The following LRRC75B variants were observed in gnomAD, a reference collection of about 807,000 sequenced individuals.
The protein encoded by LRRC75B is leucine rich repeat containing 75B, also known as leucine-rich repeat-containing protein 75B.
A neutral mutation model predicts 16.5 loss-of-function variants in LRRC75B; 20 were observed. The observed-to-expected ratio is 1.21, with a 90% CI of 0.85 to 1.76. The LOEUF is 1.76. Ranked by LOEUF, LRRC75B falls within the 40% of genes most tolerant of loss-of-function variation. The pLI is 0.00. For missense variants in LRRC75B, 406 were observed against 417.0 expected (o/e 0.97, Z 0.23); for synonymous variants, 199 against 198.1 (o/e 1.00, Z -0.04).
At position 24,589,321 on chromosome 22, in the gene LRRC75B, G is replaced by C. The variant is rs533721421; in HGVS notation, c.306+500C>G. On this transcript the variant is annotated intron_variant, in intron 2 of 3. Coordinates refer to ENST00000318753, the MANE Select transcript of LRRC75B (RefSeq NM_207644.3). ...CCACCCCAGCAAGGAGGAGGGCCTT[G>C]CTTATGACCCCAGCTGTTGTAGGGG... 80 of 1,179,794 alleles carry C rather than the reference G, an allele frequency of 6.8e-5. No homozygotes were observed. In the African/African-American group the frequency reaches 1.3e-3, roughly 19 times the overall value. 73.1% of individuals were successfully genotyped at this position (1,179,794 alleles called of 1,614,324 possible).
chr22:24,585,825 C>T lies in LRRC75B; in HGVS notation c.*61G>A, dbSNP rs2045376106. 6.9e-7 allele frequency: 1 copy of T among 1,441,844 alleles called. No individual in the cohort carries two copies. Among genetic ancestry groups the T allele is most frequent in the Middle Eastern group, 1.9e-4 (1 of 5,264 alleles). The allele number at this position is 1,441,844 out of a possible 1,614,324, so 89.3% of individuals were successfully genotyped here. On this transcript the variant is annotated 3_prime_UTR_variant, in exon 4 of 4. Coordinates refer to ENST00000318753, the MANE Select transcript of LRRC75B (RefSeq NM_207644.3). ...TGTGAGTCCTCCTTGACCTTCATCGCCCACTATCATGTGCTTGAGAGCATC... is the reference window on the plus strand; with the variant it reads ...TGTGAGTCCTCCTTGACCTTCATCGTCCACTATCATGTGCTTGAGAGCATC...
chr22:24,590,651 C>T (rs1274955738), intron 1 of LRRC75B, among the ~76,000 whole-genome samples: 1 of 152,182 alleles, frequency 6.6e-6, no homozygotes, highest in Non-Finnish European at 1.5e-5. Flanking sequence ...CCTTCAGATC[C>T]TCTGCCTTCC....
Position 24,593,042 on chromosome 22 carries a change from C to G in LRRC75B, c.-3G>C. The G allele has an allele frequency of 9.6e-7, 1 of 1,044,108 alleles. No homozygotes were observed. Among genetic ancestry groups the G allele is most frequent in the Non-Finnish European group, 1.2e-6 (1 of 869,266 alleles). 64.7% of individuals were successfully genotyped at this position (1,044,108 alleles called of 1,614,324 possible). ...CGCCGGCCCAGCCGCGCCCCCATGGCCGCCGCGCGATGGTCGCCGAACCCA... is the reference window on the plus strand; with the variant it reads ...CGCCGGCCCAGCCGCGCCCCCATGGGCGCCGCGCGATGGTCGCCGAACCCA... On this transcript the variant is annotated 5_prime_UTR_variant, in exon 1 of 4. Coordinates refer to ENST00000318753, the MANE Select transcript of LRRC75B (RefSeq NM_207644.3).
At chr22:24,588,899 A>G in intron 2 of LRRC75B, 1 of 1,002,904 alleles carries the variant, frequency 1.0e-6, no homozygotes, top group Non-Finnish European at 1.2e-6. Context: ...GGGCTCCGGC[A>G]GAGGCCCAGC....
intron 2 of LRRC75B, chr22:24,588,552 G>A: frequency 1.3e-6 from 1 of 776,236 alleles, no homozygotes; most frequent in Non-Finnish European, 1.9e-6. Context: ...GGCTGGTCCA[G>A]TCCCGCAGTG....
At chr22:24,590,088 G>T (rs2045523760) in intron 1 of LRRC75B, 139 bp from the exon 2 acceptor site, 3 of 1,024,140 alleles carry the variant, frequency 2.9e-6, no homozygotes, top group South Asian at 3.7e-5. Flanking sequence ...CTCCCCACAG[G>T]CGGCCATGGG....
chr22:24,593,012 C>CG lies in LRRC75B; in HGVS notation c.27dup (p.Gly10ArgfsTer7). 9.2e-7 allele frequency: 1 copy of CG among 1,092,116 alleles called. No individual in the cohort carries two copies. Among genetic ancestry groups the CG allele is most frequent in the Non-Finnish European group, 1.1e-6 (1 of 899,642 alleles). 67.7% of individuals were successfully genotyped at this position (1,092,116 alleles called of 1,614,324 possible). ...CCGGCCTCAGAGCCAGCCTCGGGCC[C>CG]GGCCCGCCGGCCCAGCCGCGCCCCC... On this transcript the variant is annotated frameshift_variant, in exon 1 of 4. Coordinates refer to ENST00000318753, the MANE Select transcript of LRRC75B (RefSeq NM_207644.3). LOFTEE classifies it high-confidence loss of function.
Position 24,585,912 on chromosome 22 carries a change from C to T in LRRC75B, c.922G>A (p.Glu308Lys), listed in dbSNP as rs116161010. ...CACCTGGCACAGCAGGCCTGGGGCT[C>T]GGGTCCCAGCCCAGCAGCTGTGGAG... is the stretch of plus-strand genomic sequence containing the variant. ...WDSTAAGLGP[E>K]PQACCAR Residue 308 changes from glutamate (E) to lysine (K), a missense_variant, in exon 4 of 4, where the codon GAG becomes AAG. Physicochemically the swap from Glu to Lys is moderately conservative, Grantham distance 56. Coordinates refer to ENST00000318753, the MANE Select transcript of LRRC75B (RefSeq NM_207644.3). The T allele has an allele frequency of 4.0e-3, 6,344 of 1,599,978 alleles. 175 individuals carry two copies. The African/African-American group carries it at 0.068, about 17-fold the overall frequency.
chr22:24,586,049 C>G lies in LRRC75B; in HGVS notation c.785G>C (p.Gly262Ala). 6.2e-7 allele frequency: 1 copy of G among 1,611,556 alleles called. No homozygotes were observed. Among genetic ancestry groups the G allele is most frequent in the Non-Finnish European group, 8.5e-7 (1 of 1,179,914 alleles). The stretch of plus-strand genomic sequence containing the variant: ...GCGCTGGCTCAGCCGCCGGCGCAGG[C>G]CGACCAGCAGGGGCTGGGGCAGGGA... The part of the protein sequence containing the change: ...VASLPQPLLV[G>A]LRRRLSQRTS... The change falls in exon 4 of 4, where the codon GGC becomes GCC. Residue 262 changes from glycine to alanine, a missense_variant. Coordinates refer to ENST00000318753, the MANE Select transcript of LRRC75B (RefSeq NM_207644.3).
At chr22:24,586,625 G>A (rs535203131) in intron 3 of LRRC75B, among the ~76,000 whole-genome samples, 50 of 152,358 alleles carry the variant, frequency 3.3e-4, no homozygotes, top group Non-Finnish European at 5.9e-4. Context: ...TCTGCCTCCC[G>A]GATTCAAGCG....
At position 24,588,333 on chromosome 22, in the gene LRRC75B, T is replaced by C. The variant is rs1261280731; in HGVS notation, c.307-4A>G. The C allele has an allele frequency of 1.2e-6, 2 of 1,606,574 alleles. No individual in the cohort carries two copies. The highest frequency in any genetic ancestry group is 1.7e-5 in the Admixed American group (1 of 59,830). On this transcript the variant is annotated splice_region_variant and splice_polypyrimidine_tract_variant and intron_variant, in intron 2 of 3. Coordinates refer to ENST00000318753, the MANE Select transcript of LRRC75B (RefSeq NM_207644.3). ...AGGACTTCCAGAGCTCATAGTCCTGTGGGAGGGCAGTGTCACCATGGTGAA... is the reference window on the plus strand; with the variant it reads ...AGGACTTCCAGAGCTCATAGTCCTGCGGGAGGGCAGTGTCACCATGGTGAA...
rs369950570 is a variant in LRRC75B, at chr22:24,586,217, G to A, written c.617C>T (p.Ala206Val). The A allele has an allele frequency of 8.1e-6, 13 of 1,613,678 alleles. No individual in the cohort carries two copies. In the African/African-American group the frequency reaches 9.3e-5, roughly 12 times the overall value. Residue 206 changes from alanine to valine, a missense_variant, in exon 4 of 4, where the codon GCG becomes GTG. Ala to Val is a moderately conservative substitution (Grantham distance 64). Transcript: ENST00000318753. ...CAGGAGCTGGGTGAGGCGGGGCAGC[G>A]CCCACAGGCTGGGCAGCAGGAGGTG... ...LLHLLLPSLWALPRLTQLLLN... is the reference protein window; with the variant it reads ...LLHLLLPSLWVLPRLTQLLLN...
Position 24,588,343 on chromosome 22 carries a change from G to A in LRRC75B, c.307-14C>T, listed in dbSNP as rs1479526194. Reference sequence around the variant, plus strand: ...GAGCTCATAGTCCTGTGGGAGGGCAGTGTCACCATGGTGAATCTGAGCCCC... The same window carrying A: ...GAGCTCATAGTCCTGTGGGAGGGCAATGTCACCATGGTGAATCTGAGCCCC... On this transcript the variant is annotated splice_polypyrimidine_tract_variant and intron_variant, in intron 2 of 3. Transcript: ENST00000318753. 2 of 1,595,890 alleles carry A rather than the reference G, an allele frequency of 1.3e-6. No homozygotes were observed. The highest frequency in any genetic ancestry group is 1.7e-6 in the Non-Finnish European group (2 of 1,165,548).
chr22:24,586,374 C>A lies in LRRC75B; in HGVS notation c.460G>T (p.Glu154Ter), dbSNP rs767695838. 1 of 1,613,718 alleles carries A rather than the reference C, an allele frequency of 6.2e-7. No homozygotes were observed. Among genetic ancestry groups the A allele is most frequent in the South Asian group, 1.1e-5 (1 of 91,080 alleles). ...GGGATGCCTGAGAGGTCCACAGTCT[C>A]CCCTGCCAGCAGAGTCTTCTGGAGG... is the stretch of plus-strand genomic sequence containing the variant. ...SSLQKTLLAG[E>*]TVDLSGIPLS... The change falls in exon 4 of 4, where the codon GAG becomes TAG. Residue 154 changes from glutamate to a stop codon, truncating the protein, a stop_gained. Coordinates refer to ENST00000318753, the MANE Select transcript of LRRC75B (RefSeq NM_207644.3). LOFTEE classifies it low-confidence loss of function (END_TRUNC).
In LRRC75B at chr22:24,588,715, A is replaced by G. The variant is rs1314853592; in HGVS notation, c.307-386T>C. 4 of 1,074,304 alleles carry G rather than the reference A, an allele frequency of 3.7e-6. No homozygotes were observed. In the African/African-American group the frequency reaches 6.5e-5, roughly 17 times the overall value. The allele number at this position is 1,074,304 out of a possible 1,614,324, so 66.5% of individuals were successfully genotyped here. ...GAGGCCAGACCAGGCCCCTCGAGGG[A>G]GCCGTGCTCCACTGACGCCAATCCC... On this transcript the variant is annotated intron_variant, in intron 2 of 3. Transcript: ENST00000318753.
intron 3 of LRRC75B, among the ~76,000 whole-genome samples, chr22:24,587,787 C>T (rs1367646551): frequency 6.6e-6 from 1 of 152,140 alleles, no homozygotes. Context: ...TGGCCTTAGG[C>T]AAGCCACTTC....
rs368977922 is a variant in LRRC75B at position 24,586,044 on chromosome 22, G to A, written c.790C>T (p.Arg264Cys). 2.6e-5 allele frequency: 42 copies of A among 1,611,402 alleles called. No individual in the cohort carries two copies. The East Asian group carries it at 7.8e-4, about 30-fold the overall frequency. ...SLPQPLLVGLRRRLSQRTSLP... is the reference protein window; with the variant it reads ...SLPQPLLVGLCRRLSQRTSLP... ...GAGGTGCGCTGGCTCAGCCGCCGGC[G>A]CAGGCCGACCAGCAGGGGCTGGGGC... Residue 264 changes from arginine to cysteine, a missense_variant, in exon 4 of 4, where the codon CGC becomes TGC. Transcript: ENST00000318753.
intron 3 of LRRC75B, among the ~76,000 whole-genome samples, chr22:24,586,723 G>T (rs1027677967): frequency 6.6e-6 from 1 of 152,208 alleles, no homozygotes; most frequent in African/African-American, 2.4e-5. Flanking sequence ...TAGAGGCGGG[G>T]TTTCTCCATC....
intron 2 of LRRC75B, 142 bp from the exon 3 acceptor site, chr22:24,588,471 C>A (rs2045467397): frequency 1.3e-6 from 1 of 762,042 alleles, no homozygotes; most frequent in African/African-American, 1.7e-5. Context: ...CCAGGGCCTC[C>A]CCCTCCTACC....
Sources: allele counts gnomAD v4.1 joint callset (sites outside exome capture counted in the v4.1 genomes callset), GRCh38; gene constraint gnomAD v4.1.1; transcripts MANE v1.5; gene names NCBI Gene and HGNC (gene_info 2026-07-23, HGNC 2026-07-21).